Variants in TMEM117 observed in about 807,000 individuals in gnomAD.
The protein encoded by TMEM117 is transmembrane protein 117.
Under a neutral mutation model 52.4 loss-of-function variants are expected in TMEM117, and 27 were observed. The ratio of observed to expected loss-of-function variants is 0.51; its 90% CI spans 0.38 to 0.71. The LOEUF (loss-of-function observed/expected upper bound fraction) is 0.71. Among genes scored for constraint, TMEM117 ranks in the 30% least tolerant of loss-of-function variants. TMEM117 has a pLI of 0.00. For synonymous variants in TMEM117, 215 were observed against 206.3 expected (o/e 1.04, Z -0.36); for missense variants, 556 against 630.5 (o/e 0.88, Z 1.26).
downstream of TMEM117, among the ~76,000 whole-genome samples, chr12:44,394,043 A>T (rs777665529): frequency 6.6e-6 from 1 of 152,240 alleles, no homozygotes; most frequent in Non-Finnish European, 1.5e-5. Context: ...AACAAGGGAA[A>T]AAAAGATTAG....
At chr12:43,953,949 A>G (rs574750388) in intron 3 of TMEM117, among the ~76,000 whole-genome samples, 2 of 152,332 alleles carry the variant, frequency 1.3e-5, no homozygotes, top group South Asian at 4.1e-4. Context: ...AATCATAACA[A>G]AAGTCTCTCA....
intron 5 of TMEM117, among the ~76,000 whole-genome samples, chr12:44,275,895 G>A (rs1384525084): frequency 1.3e-5 from 2 of 151,980 alleles, no homozygotes. Context: ...TAGCACAAAA[G>A]GGTAACTATA....
intron 2 of TMEM117, among the ~76,000 whole-genome samples, chr12:43,850,007 C>T (rs1943278694): frequency 6.6e-6 from 1 of 152,148 alleles, no homozygotes; most frequent in African/African-American, 2.4e-5. Flanking sequence ...TGCTAAATGG[C>T]TTCTACCACT....
chr12:44,367,522 A>G (rs966215213), intron 6 of TMEM117, among the ~76,000 whole-genome samples: 1 of 152,012 alleles, frequency 6.6e-6, no homozygotes, highest in African/African-American at 2.4e-5. Flanking sequence ...CTTCCAGCTT[A>G]TAAATGAGGG....
chr12:44,096,973 A>G (rs2138062049), intron 3 of TMEM117, among the ~76,000 whole-genome samples: 1 of 152,224 alleles, frequency 6.6e-6, no homozygotes, highest in Non-Finnish European at 1.5e-5. Context: ...CATCTGACAA[A>G]GGGCTAATAT....
chr12:44,047,222 A>C (rs1946894294), intron 3 of TMEM117, among the ~76,000 whole-genome samples: 1 of 152,032 alleles, frequency 6.6e-6, no homozygotes, highest in African/African-American at 2.4e-5. Flanking sequence ...CAGTGTCAGC[A>C]GTCTTTGATT....
At chr12:43,818,267 A>G in the TMEM117 span, among the ~76,000 whole-genome samples, 3 of 152,344 alleles carry the variant, frequency 2.0e-5, no homozygotes, top group African/African-American at 7.2e-5. Context: ...TAGAAAGTAC[A>G]TATAAGTAAG....
intron 3 of TMEM117, chr12:44,009,478 C>A: frequency 4.5e-6 from 1 of 224,218 alleles, no homozygotes; most frequent in South Asian, 8.3e-5. Flanking sequence ...GCTGAGATGC[C>A]ATCTTCCAGT....
At chr12:43,806,367 G>A in the TMEM117 span, 2 of 1,231,512 alleles carry the variant, frequency 1.6e-6, no homozygotes, top group Non-Finnish European at 2.0e-6. Flanking sequence ...ACCCGCGGCC[G>A]CCCCGCCCCG....
Position 44,236,185 on chromosome 12 carries a change from T to TAGAGAGAG in TMEM117, c.608+24799_608+24800insGAGAGAGA, listed in dbSNP as rs1491377959. On this transcript the variant is annotated intron_variant, in intron 5 of 7. Transcript: ENST00000266534. The stretch of plus-strand genomic sequence containing the variant: ...TTAGTTTCTAGCATATATATATATA[T>TAGAGAGAG]ATAGAGAGAGAGAGAGAGAGAGCGC... Among the ~76,000 whole-genome samples, 83 of 145,318 alleles carry TAGAGAGAG rather than the reference T, an allele frequency of 5.7e-4. 1 individual carries two copies. Among genetic ancestry groups the TAGAGAGAG allele is most frequent in the Non-Finnish European group, 1.1e-3 (73 of 66,496 alleles).
At chr12:44,234,177 A>G (rs1386065521) in intron 5 of TMEM117, among the ~76,000 whole-genome samples, 1 of 151,428 alleles carries the variant, frequency 6.6e-6, no homozygotes, top group South Asian at 2.1e-4. Flanking sequence ...AAAAATAGTT[A>G]TTGATTTCTT....
At chr12:44,066,981 G>A (rs899262281) in intron 3 of TMEM117, among the ~76,000 whole-genome samples, 5 of 152,156 alleles carry the variant, frequency 3.3e-5, no homozygotes, top group South Asian at 2.1e-4. Flanking sequence ...CTAAATTTAC[G>A]TAAAATTCTA....
At chr12:43,826,055 T>C in the TMEM117 span, among the ~76,000 whole-genome samples, 1 of 152,254 alleles carries the variant, frequency 6.6e-6, no homozygotes, top group Non-Finnish European at 1.5e-5. Context: ...AAAACTCCAT[T>C]GAAATGCACC....
intron 3 of TMEM117, among the ~76,000 whole-genome samples, chr12:44,071,048 G>A (rs960226893): frequency 9.2e-5 from 14 of 152,168 alleles, no homozygotes; most frequent in African/African-American, 3.4e-4. Flanking sequence ...AAATGCACCA[G>A]AAGAGCTCTG....
At chr12:43,947,736 A>G (rs1945155927) in intron 3 of TMEM117, among the ~76,000 whole-genome samples, 1 of 152,224 alleles carries the variant, frequency 6.6e-6, no homozygotes, top group African/African-American at 2.4e-5. Context: ...CTCTCTAGGA[A>G]TACGGGCCTA....
chr12:43,906,184 C>T (rs987057780), intron 2 of TMEM117, among the ~76,000 whole-genome samples: 1 of 152,112 alleles, frequency 6.6e-6, no homozygotes, highest in Admixed American at 6.6e-5. Context: ...AGAATGATAC[C>T]TAGTGCTATG....
intron 2 of TMEM117, among the ~76,000 whole-genome samples, chr12:43,931,450 A>G (rs1944869427): frequency 6.6e-6 from 1 of 152,198 alleles, no homozygotes. Context: ...CATAATCCAG[A>G]AGAAAAATAA....
At chr12:43,967,348 T>C (rs975895136) in intron 3 of TMEM117, among the ~76,000 whole-genome samples, 1 of 152,140 alleles carries the variant, frequency 6.6e-6, no homozygotes, top group Non-Finnish European at 1.5e-5. Context: ...GGTCTTGAAC[T>C]CCTGGACTCG....
chr12:44,194,430 A>G (rs1015035345), intron 4 of TMEM117, among the ~76,000 whole-genome samples: 14 of 152,226 alleles, frequency 9.2e-5, no homozygotes, highest in African/African-American at 3.4e-4. Flanking sequence ...TTAAGTATGC[A>G]GAGTGAAATT....
Sources: allele counts gnomAD v4.1 joint callset (sites outside exome capture counted in the v4.1 genomes callset), GRCh38; gene constraint gnomAD v4.1.1; transcripts MANE v1.5; gene names NCBI Gene and HGNC (gene_info 2026-07-23, HGNC 2026-07-21).